The following COL5A1 variants were observed in gnomAD, a reference collection of about 807,000 sequenced individuals.
COL5A1 encodes the protein collagen alpha-1(V) chain.
Under a neutral mutation model 263.7 loss-of-function variants are expected in COL5A1, and 16 were observed. That is an observed-to-expected ratio of 0.06 (90% confidence interval 0.04 to 0.09). COL5A1 has a LOEUF of 0.09. Ranked by LOEUF, COL5A1 falls within the 10% of genes least tolerant of loss-of-function variation. The pLI is 1.00. For missense variants in COL5A1, 2,036 were observed against 2,540.5 expected (o/e 0.80, Z 4.27); for synonymous variants, 1,012 against 1,004.5 (o/e 1.01, Z -0.14).
chr9:134,681,310 C>T lies in COL5A1; in HGVS notation c.110-9602C>T, dbSNP rs920377768. Among the ~76,000 whole-genome samples the T allele has an allele frequency of 1.3e-5, 2 of 152,224 alleles. No homozygotes were observed. Among genetic ancestry groups the T allele is most frequent in the African/African-American group, 2.4e-5 (1 of 41,458 alleles). Reference sequence around the variant, plus strand: ...ACTAGGAGGGACAGCCGCCCTTCCCCGGCTCTGCAGGGCCCTTTACAAACA... The same window carrying T: ...ACTAGGAGGGACAGCCGCCCTTCCCTGGCTCTGCAGGGCCCTTTACAAACA... On this transcript the variant is annotated intron_variant, in intron 1 of 65. Transcript: ENST00000371817. This position sits in a 1 kb window ranked among gnomAD's most constrained non-coding sequence, Gnocchi z 4.3.
At chr9:134,751,964 G>A (rs1474492215) in intron 13 of COL5A1, among the ~76,000 whole-genome samples, 1 of 152,224 alleles carries the variant, frequency 6.6e-6, no homozygotes, top group East Asian at 1.9e-4. Flanking sequence ...TAGGCTATAA[G>A]ATTTTATAAT....
rs1045236173 is a variant in COL5A1 at position 134,647,688 on chromosome 9, C to T, written c.109+5392C>T. On this transcript the variant is annotated intron_variant, in intron 1 of 65. Transcript: ENST00000371817. The surrounding 1 kb of genome is among the most constrained non-coding windows in gnomAD (Gnocchi z 5.0). ...GAGCGTGAGGCTGTGGGTTCTGCCG[C>T]AGGGCAAGCCGGGTCCAGCTGGATC... 6.6e-6 allele frequency among the ~76,000 whole-genome samples: 1 copy of T among 152,170 alleles called. No individual in the cohort carries two copies. Among genetic ancestry groups the T allele is most frequent in the Non-Finnish European group, 1.5e-5 (1 of 68,034 alleles).
intron 37 of COL5A1, among the ~76,000 whole-genome samples, chr9:134,799,407 T>C (rs2132813877): frequency 6.6e-6 from 1 of 152,330 alleles, no homozygotes; most frequent in South Asian, 2.1e-4. Context: ...CACCACGCTG[T>C]GTTCCTTCTC....
intron 64 of COL5A1, 119 bp downstream of exon 64, chr9:134,830,163 A>G: frequency 6.2e-7 from 1 of 1,610,928 alleles, no homozygotes; most frequent in East Asian, 2.2e-5. Context: ...AGTCAGTACA[A>G]GCGGGGGTCC....
At chr9:134,771,370 C>T (rs965136945) in intron 25 of COL5A1, among the ~76,000 whole-genome samples, 11 of 152,376 alleles carry the variant, frequency 7.2e-5, no homozygotes, top group Middle Eastern at 3.4e-3. Flanking sequence ...GAGGTGCTGG[C>T]GCCATGAGCC....
chr9:134,822,898 AGAGGGGC>A (rs899219850), intron 59 of COL5A1, 93 bp from the exon 60 acceptor site: 58 of 1,321,656 alleles, frequency 4.4e-5, no homozygotes, highest in Middle Eastern at 4.0e-4. Context: ...TGCGGGTGGG[AGAGGGGC>A]GAGGGGCGAG....
intron 1 of COL5A1, among the ~76,000 whole-genome samples, chr9:134,685,508 C>CCATCA (rs1491354045): frequency 0.014 from 4 of 296 alleles, no homozygotes; most frequent in Non-Finnish European, 0.038. Context: ...ATCCATCCAT[C>CCATCA]ACCATCCATC....
chr9:134,645,861 C>T (rs1285775090), intron 1 of COL5A1, among the ~76,000 whole-genome samples: 1 of 152,222 alleles, frequency 6.6e-6, no homozygotes, highest in Non-Finnish European at 1.5e-5. Context: ...GCCTGGGGGC[C>T]CAGTCCAAAC....
intron 4 of COL5A1, among the ~76,000 whole-genome samples, chr9:134,726,377 GA>G (rs1474967105): frequency 3.2e-4 from 49 of 152,268 alleles, no homozygotes; most frequent in African/African-American, 1.1e-3. Context: ...TGGATGGATA[GA>G]TAGATGGATG....
At chr9:134,780,289 C>T in intron 28 of COL5A1, 143 bp downstream of exon 28, 2 of 837,090 alleles carry the variant, frequency 2.4e-6, no homozygotes, top group Non-Finnish European at 4.1e-6. Flanking sequence ...GGATGCCACT[C>T]TGTGGAAAGT....
At position 134,691,075 on chromosome 9, in the gene COL5A1, C is replaced by T. The variant is rs1341789008; in HGVS notation, c.273C>T (p.Tyr91=). Residue 91 remains tyrosine (Y), a synonymous_variant, in exon 2 of 66, where the codon TAC becomes TAT. Coordinates refer to ENST00000371817, the MANE Select transcript of COL5A1 (RefSeq NM_000093.5). The part of the protein sequence containing the change: ...AQLSAPTKQL[Y]PASAFPEDFS... Reference sequence around the variant, plus strand: ...TCAGCGCACCCACCAAGCAGCTGTACCCTGGTAAGTGCCGCACCCTTCTGT... The same window carrying T: ...TCAGCGCACCCACCAAGCAGCTGTATCCTGGTAAGTGCCGCACCCTTCTGT... 1 of 1,613,086 alleles carries T rather than the reference C, an allele frequency of 6.2e-7. No individual in the cohort carries two copies. The highest frequency in any genetic ancestry group is 1.3e-5 in the African/African-American group (1 of 75,060).
At position 134,680,563 on chromosome 9, in the gene COL5A1, T is replaced by C. The variant is rs1348722409; in HGVS notation, c.110-10349T>C. ...GCCCTGGTCAGTTCCAAACTGCTGC[T>C]CTCTGCTGTACCATGTCCGGTGAGG... On this transcript the variant is annotated intron_variant, in intron 1 of 65. Transcript: ENST00000371817. The surrounding 1 kb of genome is among the most constrained non-coding windows in gnomAD (Gnocchi z 5.9). 6.6e-6 allele frequency among the ~76,000 whole-genome samples: 1 copy of C among 152,182 alleles called. No individual in the cohort carries two copies. The highest frequency in any genetic ancestry group is 1.5e-5 in the Non-Finnish European group (1 of 68,026).
intron 28 of COL5A1, among the ~76,000 whole-genome samples, chr9:134,780,983 C>T (rs1051222567): frequency 2.0e-5 from 3 of 152,270 alleles, no homozygotes; most frequent in African/African-American, 7.2e-5. Flanking sequence ...CTTTGCTGGG[C>T]AGACTCTGGG....
chr9:134,664,472 G>C (rs1832299797), intron 1 of COL5A1, among the ~76,000 whole-genome samples: 1 of 152,220 alleles, frequency 6.6e-6, no homozygotes, highest in South Asian at 2.1e-4. Context: ...CGACCTGCAA[G>C]GAACTCCCAC....
chr9:134,721,550 G>A (rs1283746570), intron 4 of COL5A1, among the ~76,000 whole-genome samples: 1 of 152,126 alleles, frequency 6.6e-6, no homozygotes, highest in Non-Finnish European at 1.5e-5. Context: ...GAATCAGGTG[G>A]CCCCAGGGGT....
At position 134,818,945 on chromosome 9, in the gene COL5A1, TC is replaced by T; in HGVS notation, c.4392+45del. 1.2e-6 allele frequency: 2 copies of T among 1,612,822 alleles called. No individual in the cohort carries two copies. Among genetic ancestry groups the T allele is most frequent in the Non-Finnish European group, 1.7e-6 (2 of 1,179,554 alleles). On this transcript the variant is annotated intron_variant, in intron 56 of 65. Coordinates refer to ENST00000371817, the MANE Select transcript of COL5A1 (RefSeq NM_000093.5). This position sits in a 1 kb window ranked among gnomAD's most constrained non-coding sequence, Gnocchi z 6.0. ...GGTGAGCATAGCGGGTGGGATGACT[TC>T]GCCACCCAAAGCCCCAAGGATGAGG...
rs1431780486 is a variant in COL5A1, at chr9:134,821,586, AG to A, written c.4555-507del. Among the ~76,000 whole-genome samples the A allele has an allele frequency of 1.3e-5, 2 of 152,148 alleles. No homozygotes were observed. The highest frequency in any genetic ancestry group is 4.8e-5 in the African/African-American group (2 of 41,444). ...GTCTGGGAGGGAGTCAGTGGGGAGA[AG>A]GGGTCTGAGCGGAGGTTCCACGCTC... On this transcript the variant is annotated intron_variant, in intron 58 of 65. Transcript: ENST00000371817. The surrounding 1 kb of genome is among the most constrained non-coding windows in gnomAD (Gnocchi z 4.2).
At chr9:134,719,215 G>T (rs989673941) in intron 4 of COL5A1, among the ~76,000 whole-genome samples, 2 of 152,172 alleles carry the variant, frequency 1.3e-5, no homozygotes, top group African/African-American at 4.8e-5. Flanking sequence ...TGCACACAAG[G>T]CATGCCATAC....
intron 65 of COL5A1, among the ~76,000 whole-genome samples, chr9:134,839,567 C>G (rs1380173649): frequency 6.6e-6 from 1 of 152,218 alleles, no homozygotes; most frequent in Non-Finnish European, 1.5e-5. Context: ...TGCTGGCTTG[C>G]TGACCTGTCG....
Sources: allele counts gnomAD v4.1 joint callset (sites outside exome capture counted in the v4.1 genomes callset), GRCh38; gene constraint gnomAD v4.1.1; non-coding constraint Gnocchi (gnomAD v3.1); transcripts MANE v1.5; gene names NCBI Gene and HGNC (gene_info 2026-07-23, HGNC 2026-07-21).